SLC9C1: variants seen among roughly 807,000 people sequenced by gnomAD.
SLC9C1 encodes solute carrier family 9 member C1.
In SLC9C1, 97 loss-of-function variants were observed where a neutral mutation model predicts 140.9. The ratio of observed to expected loss-of-function variants is 0.69; its 90% CI spans 0.58 to 0.82. The LOEUF (loss-of-function observed/expected upper bound fraction) is 0.82, where lower values mean the gene tolerates loss of function less well. Among genes scored for constraint, SLC9C1 ranks in the 40% least tolerant of loss-of-function variants. The probability of loss-of-function intolerance (pLI) is 0.00; values close to 1 mark genes in which losing one functional copy is unlikely to be tolerated. For missense variants in SLC9C1, 1,340 were observed against 1,389.3 expected, an observed-to-expected ratio of 0.96 and a Z score of 0.56; for synonymous variants, 440 against 442.6, an observed-to-expected ratio of 0.99 and a Z score of 0.07.
chr3:112,159,215 A>G (rs1311550946), intron 26 of SLC9C1, among the ~76,000 whole-genome samples: 1 of 151,806 alleles, frequency 6.6e-6, no homozygotes, highest in African/African-American at 2.4e-5. Context: ...ATTTATTTCA[A>G]TAAATTAAAA....
chr3:112,186,493 G>C (rs2077543443), intron 20 of SLC9C1, among the ~76,000 whole-genome samples: 1 of 152,130 alleles, frequency 6.6e-6, no homozygotes. Context: ...TATCATGTGA[G>C]TAGATCAAGT....
intron 8 of SLC9C1, among the ~76,000 whole-genome samples, chr3:112,265,460 A>G (rs1012420620): frequency 3.9e-5 from 6 of 152,152 alleles, no homozygotes; most frequent in Admixed American, 1.3e-4. Flanking sequence ...CCAGAATCCT[A>G]TAAGACCCTA....
intron 8 of SLC9C1, among the ~76,000 whole-genome samples, chr3:112,265,663 C>A (rs1012096335): frequency 8.5e-5 from 13 of 152,080 alleles, no homozygotes; most frequent in African/African-American, 3.1e-4. Flanking sequence ...AACTACTCAC[C>A]CCTTAGCTGA....
intron 10 of SLC9C1, among the ~76,000 whole-genome samples, chr3:112,248,606 ATTAG>A (rs1221466690): frequency 6.6e-6 from 1 of 152,082 alleles, no homozygotes; most frequent in Non-Finnish European, 1.5e-5. Flanking sequence ...AAATTCACTT[ATTAG>A]TTCTACTGGT....
intron 28 of SLC9C1, chr3:112,147,584 T>C: frequency 2.8e-6 from 1 of 359,436 alleles, no homozygotes; most frequent in Admixed American, 3.7e-5. Flanking sequence ...GAATTTTCTT[T>C]CTTTCAGAAA....
At chr3:112,154,040 A>T (rs1209337896) in intron 27 of SLC9C1, among the ~76,000 whole-genome samples, 2 of 152,044 alleles carry the variant, frequency 1.3e-5, no homozygotes, top group Non-Finnish European at 2.9e-5. Context: ...AGAACTTATG[A>T]TCATCTTTTA....
chr3:112,267,162 C>T (rs960613461), intron 7 of SLC9C1, among the ~76,000 whole-genome samples: 1 of 152,064 alleles, frequency 6.6e-6, no homozygotes, highest in Admixed American at 6.5e-5. Flanking sequence ...GCCTGTAGTA[C>T]CAGCTACTTA....
chr3:112,170,025 A>G (rs1454536372), intron 23 of SLC9C1, among the ~76,000 whole-genome samples: 1 of 152,192 alleles, frequency 6.6e-6, no homozygotes, highest in Non-Finnish European at 1.5e-5. Flanking sequence ...GTTAGATCCT[A>G]AACTATAAAC....
chr3:112,170,467 GTAT>G (rs1239657815), intron 23 of SLC9C1, among the ~76,000 whole-genome samples: 2 of 151,994 alleles, frequency 1.3e-5, no homozygotes, highest in Admixed American at 1.3e-4. Context: ...ATTTTTAATT[GTAT>G]TATTTATTTT....
At chr3:112,157,847 A>G (rs2075172122) in intron 26 of SLC9C1, among the ~76,000 whole-genome samples, 1 of 151,520 alleles carries the variant, frequency 6.6e-6, no homozygotes, top group Non-Finnish European at 1.5e-5. Context: ...TATAAATGCT[A>G]CTGACTTTTT....
chr3:112,224,266 A>G (rs1445315828), intron 13 of SLC9C1, among the ~76,000 whole-genome samples: 1 of 152,148 alleles, frequency 6.6e-6, no homozygotes, highest in Non-Finnish European at 1.5e-5. Flanking sequence ...CACCCAGTAA[A>G]AAGCTAATGC....
rs28789118 is a variant in SLC9C1, at chr3:112,235,548, G to C, written c.1447-4062C>G. ...TGGTGAGAGAGGGCATCTCTGTCTTGTGCCAGTTTTCAAAGGGAATGCTTC... is the reference window on the plus strand; with the variant it reads ...TGGTGAGAGAGGGCATCTCTGTCTTCTGCCAGTTTTCAAAGGGAATGCTTC... On this transcript the variant is annotated intron_variant, in intron 12 of 28. Transcript: ENST00000305815. Among the ~76,000 whole-genome samples the C allele has an allele frequency of 5.3e-5, 8 of 149,558 alleles. No individual in the cohort carries two copies. In the South Asian group the frequency reaches 1.7e-3, roughly 32 times the overall value.
chr3:112,245,301 C>T (rs13077603), intron 10 of SLC9C1, among the ~76,000 whole-genome samples: 45,017 of 151,850 alleles, frequency 0.3, 7,228 homozygotes, highest in East Asian at 0.43. Context: ...ATATGTTGTA[C>T]GTTTTTAAAA....
chr3:112,246,422 A>G (rs1225350048), intron 10 of SLC9C1, among the ~76,000 whole-genome samples: 1 of 152,124 alleles, frequency 6.6e-6, no homozygotes, highest in Non-Finnish European at 1.5e-5. Context: ...TACTTAAACG[A>G]TTTTCCAAGT....
At chr3:112,197,022 T>C (rs1249139770) in intron 20 of SLC9C1, among the ~76,000 whole-genome samples, 1 of 152,130 alleles carries the variant, frequency 6.6e-6, no homozygotes, top group Non-Finnish European at 1.5e-5. Flanking sequence ...TCTCCCTTTT[T>C]CCCCAGAATT....
rs2077983444 is a variant in SLC9C1, at chr3:112,204,269, T to C, written c.2121A>G (p.Val707=). The C allele has an allele frequency of 3.3e-6, 5 of 1,538,030 alleles. No homozygotes were observed. In the East Asian group the frequency reaches 1.3e-4, roughly 39 times the overall value. Residue 707 remains valine (V), a synonymous_variant, in exon 17 of 29, where the codon GTA becomes GTG. Coordinates refer to ENST00000305815, the MANE Select transcript of SLC9C1 (RefSeq NM_183061.3). ...ATTGAACAACTTTTATAAAGACTAT[T>C]ACTTCAGTCTCATTAAAAATATACT... ...TIKYIFNETE[V]IVFIKVVQFF... is the part of the protein sequence containing the mutation.
intron 10 of SLC9C1, 150 bp downstream of exon 10, chr3:112,262,774 G>T (rs1265346417): frequency 7.1e-6 from 4 of 566,968 alleles, no homozygotes; most frequent in East Asian, 7.0e-5. Flanking sequence ...GTTGCCAGTT[G>T]TTCCTCCTCT....
intron 12 of SLC9C1, among the ~76,000 whole-genome samples, chr3:112,239,110 T>G (rs2108211395): frequency 6.6e-6 from 1 of 152,296 alleles, no homozygotes; most frequent in South Asian, 2.1e-4. Context: ...TCCACCCAGT[T>G]CGAGCTTCCT....
intron 22 of SLC9C1, 112 bp downstream of exon 22, chr3:112,180,452 G>A: frequency 2.9e-6 from 2 of 699,360 alleles, no homozygotes; most frequent in East Asian, 6.3e-5. Context: ...GAACCCAGGA[G>A]GTGGAGGCTA....
Sources: gnomAD v4.1 joint callset for allele counts (sites outside exome capture counted in the v4.1 genomes callset) on GRCh38, gnomAD v4.1.1 for gene constraint, MANE v1.5 for transcripts, NCBI Gene and HGNC (gene_info 2026-07-23, HGNC 2026-07-21) for gene names.